AUTS2: variants seen among roughly 807,000 people sequenced by gnomAD.
The protein encoded by AUTS2 is activator of transcription and developmental regulator AUTS2.
Under a neutral mutation model 112.4 loss-of-function variants are expected in AUTS2, and 17 were observed. The observed-to-expected ratio is 0.15, with a 90% CI of 0.10 to 0.23. The LOEUF is 0.23. AUTS2 is among the 10% of genes least tolerant of loss of function. The pLI is 1.00. For synonymous variants in AUTS2, 751 were observed against 702.7 expected, an observed-to-expected ratio of 1.07 and a Z score of -1.09; for missense variants, 1,510 against 1,701.6, an observed-to-expected ratio of 0.89 and a Z score of 1.98.
chr7:70,579,244 T>TAAAAAAAAAAAAA (rs10611601), intron 5 of AUTS2, among the ~76,000 whole-genome samples: 632 of 55,802 alleles, frequency 0.011, 69 homozygotes, highest in African/African-American at 0.026. Flanking sequence ...TTCTCTTTTC[T>TAAAAAAAAAAAAA]AAAAAAAAAA....
At chr7:69,705,308 G>C (rs910262076) in intron 1 of AUTS2, among the ~76,000 whole-genome samples, 1 of 152,138 alleles carries the variant, frequency 6.6e-6, no homozygotes. Context: ...GTAAATACTA[G>C]TACTACTACT....
At chr7:69,849,599 A>G (rs1040201342) in intron 1 of AUTS2, among the ~76,000 whole-genome samples, 15 of 151,894 alleles carry the variant, frequency 9.9e-5, no homozygotes, top group Non-Finnish European at 2.2e-4. Context: ...TCATTTAAAA[A>G]TTATATAAAT....
intron 1 of AUTS2, among the ~76,000 whole-genome samples, chr7:69,853,036 GTTTGTA>G (rs1322625805): frequency 6.6e-6 from 1 of 151,922 alleles, no homozygotes; most frequent in Non-Finnish European, 1.5e-5. Context: ...ATTTGCTAAG[GTTTGTA>G]TTATATCCCA....
chr7:69,831,237 G>T (rs1053992799), intron 1 of AUTS2, among the ~76,000 whole-genome samples: 1 of 152,120 alleles, frequency 6.6e-6, no homozygotes, highest in African/African-American at 2.4e-5. Flanking sequence ...AGTGCAATTA[G>T]AATTAGGGAG....
chr7:70,535,743 A>G, intron 5 of AUTS2, among the ~76,000 whole-genome samples: 1 of 152,292 alleles, frequency 6.6e-6, no homozygotes, highest in Middle Eastern at 3.4e-3. Flanking sequence ...TTACTTGGTT[A>G]TAGGCCAGTG....
At chr7:69,645,941 T>TG (rs961389472) in intron 1 of AUTS2, among the ~76,000 whole-genome samples, 14 of 151,144 alleles carry the variant, frequency 9.3e-5, no homozygotes, top group East Asian at 1.9e-4. Context: ...ACTGGTGGCC[T>TG]GGGGGTGTCA....
chr7:69,740,249 A>G (rs1562850060), intron 1 of AUTS2, among the ~76,000 whole-genome samples: 1 of 152,198 alleles, frequency 6.6e-6, no homozygotes, highest in Non-Finnish European at 1.5e-5. Flanking sequence ...TGATCAGGAC[A>G]GTGTTCCTAA....
At chr7:70,002,642 C>G (rs533179664) in intron 2 of AUTS2, among the ~76,000 whole-genome samples, 275 of 152,220 alleles carry the variant, frequency 1.8e-3, no homozygotes, top group Middle Eastern at 6.8e-3. Context: ...ATGAGACTTA[C>G]GATTTTTAGA....
intron 4 of AUTS2, among the ~76,000 whole-genome samples, chr7:70,252,168 T>C (rs1290809874): frequency 2.6e-5 from 4 of 152,224 alleles, no homozygotes; most frequent in Non-Finnish European, 4.4e-5. Flanking sequence ...TACTGGATGA[T>C]AATGTAATTC....
At chr7:70,765,350 G>C (rs1317152811) in intron 8 of AUTS2, among the ~76,000 whole-genome samples, 1 of 152,140 alleles carries the variant, frequency 6.6e-6, no homozygotes, top group East Asian at 1.9e-4. Context: ...GCGTCCCCAA[G>C]CCCATGTCTG....
chr7:70,083,467 G>GCA (rs529727107), intron 2 of AUTS2, among the ~76,000 whole-genome samples: 13 of 152,102 alleles, frequency 8.5e-5, no homozygotes, highest in Non-Finnish European at 1.9e-4. Flanking sequence ...TTAGTTGTAT[G>GCA]CACACACACA....
intron 5 of AUTS2, among the ~76,000 whole-genome samples, chr7:70,609,674 A>C (rs1438506363): frequency 1.3e-5 from 2 of 149,990 alleles, no homozygotes; most frequent in Non-Finnish European, 3.0e-5. Flanking sequence ...TGATCTGCCC[A>C]CCTCTGCCTC....
intron 2 of AUTS2, among the ~76,000 whole-genome samples, chr7:70,100,160 A>T (rs1387068137): frequency 6.6e-6 from 1 of 152,152 alleles, no homozygotes; most frequent in African/African-American, 2.4e-5. Context: ...CTCTTATTCA[A>T]CTTCATGAAC....
chr7:70,149,489 G>A (rs924202429), intron 4 of AUTS2, among the ~76,000 whole-genome samples: 1 of 151,558 alleles, frequency 6.6e-6, no homozygotes, highest in African/African-American at 2.4e-5. Flanking sequence ...TAAAAAAACT[G>A]GGGGATAGTT....
At chr7:69,787,177 C>T (rs772488847) in intron 1 of AUTS2, among the ~76,000 whole-genome samples, 14 of 152,168 alleles carry the variant, frequency 9.2e-5, no homozygotes, top group Non-Finnish European at 1.2e-4. Context: ...TTGCTCCTGA[C>T]GTTGTTCTAA....
At chr7:70,012,279 C>T (rs1584575508) in intron 2 of AUTS2, among the ~76,000 whole-genome samples, 1 of 152,124 alleles carries the variant, frequency 6.6e-6, no homozygotes, top group African/African-American at 2.4e-5. Flanking sequence ...TTCTCTCTTG[C>T]CCCTGGGCCC....
chr7:69,806,264 G>A (rs7809145), intron 1 of AUTS2, among the ~76,000 whole-genome samples: 50,829 of 143,856 alleles, frequency 0.35, 9,431 homozygotes, highest in African/African-American at 0.47. Context: ...AAGACAAGAG[G>A]AAGATATGAA....
At chr7:70,550,330 C>T (rs775485205) in intron 5 of AUTS2, among the ~76,000 whole-genome samples, 3 of 152,132 alleles carry the variant, frequency 2.0e-5, no homozygotes, top group African/African-American at 2.4e-5. Context: ...ATGTTAGTGT[C>T]GACCCATTAT....
intron 1 of AUTS2, among the ~76,000 whole-genome samples, chr7:69,887,870 AT>A (rs944198148): frequency 3.8e-4 from 57 of 150,956 alleles, no homozygotes; most frequent in South Asian, 2.3e-3. Context: ...GGCCTCTTTC[AT>A]TTTTTTTTCT....
Sources: gnomAD v4.1 joint callset for allele counts (sites outside exome capture counted in the v4.1 genomes callset) on GRCh38, gnomAD v4.1.1 for gene constraint, MANE v1.5 for transcripts, NCBI Gene and HGNC (gene_info 2026-07-23, HGNC 2026-07-21) for gene names.